CMKLR1: variants seen among roughly 807,000 people sequenced by gnomAD.
CMKLR1 encodes the protein chemerin chemokine-like receptor 1.
CMKLR1 carries 6 observed loss-of-function variants against 8.2 expected under a neutral mutation model. The observed-to-expected ratio is 0.73, with a 90% CI of 0.40 to 1.44. The LOEUF is 1.44. CMKLR1 is among the 40% of genes most tolerant of loss of function. The pLI, the probability that CMKLR1 is intolerant of heterozygous loss-of-function variation, is 0.02. For synonymous variants in CMKLR1, 178 were observed against 181.2 expected (o/e 0.98, Z 0.14); for missense variants, 429 against 478.0 (o/e 0.90, Z 0.96).
chr12:108,316,964 A>G (rs1224134836), intron 2 of CMKLR1, among the ~76,000 whole-genome samples: 1 of 143,362 alleles, frequency 7.0e-6, no homozygotes, highest in Non-Finnish European at 1.6e-5. Flanking sequence ...ACCACACCCC[A>G]CTAATTTTTT....
Position 108,292,028 on chromosome 12 carries a change from T to C in CMKLR1, c.935A>G (p.Asn312Ser), listed in dbSNP as rs1287383967. The stretch of plus-strand genomic sequence containing the variant: ...ACCCATGAAAACATACAGAATGGGG[T>C]TCATGCAGCTGTTGGCAATGGCAAG... ...TALAIANSCMNPILYVFMGQD... is the reference protein window; with the variant it reads ...TALAIANSCMSPILYVFMGQD... The change falls in exon 4 of 4, where the codon AAC becomes AGC. Residue 312 changes from asparagine to serine, a missense_variant. Asn to Ser is a conservative substitution (Grantham distance 46). Coordinates refer to ENST00000550402, the MANE Select transcript of CMKLR1 (RefSeq NM_001142343.2). 6.2e-7 allele frequency: 1 copy of C among 1,613,774 alleles called. No individual in the cohort carries two copies. The highest frequency in any genetic ancestry group is 8.5e-7 in the Non-Finnish European group (1 of 1,179,960).
intron 1 of CMKLR1, among the ~76,000 whole-genome samples, chr12:108,334,780 G>C (rs955924026): frequency 3.9e-5 from 6 of 152,194 alleles, no homozygotes; most frequent in Admixed American, 1.3e-4. Context: ...TTAGCTCTCT[G>C]AGCCTCATTT....
At chr12:108,325,196 G>A (rs1462573977) in intron 2 of CMKLR1, among the ~76,000 whole-genome samples, 2 of 152,136 alleles carry the variant, frequency 1.3e-5, no homozygotes, top group African/African-American at 2.4e-5. Context: ...CACACCCCTC[G>A]GGGAGCCAGA....
Position 108,290,038 on chromosome 12 carries a change from T to C in CMKLR1, c.*1803A>G, listed in dbSNP as rs1211095158. 2 of 152,280 alleles carry C rather than the reference T, an allele frequency of 1.3e-5. No individual in the cohort carries two copies. Among genetic ancestry groups the C allele is most frequent in the African/African-American group, 4.8e-5 (2 of 41,474 alleles). The allele number at this position is 152,280 out of a possible 1,614,324, so 9.4% of individuals were successfully genotyped here. On this transcript the variant is annotated 3_prime_UTR_variant, in exon 4 of 4. Transcript: ENST00000550402. ...TGCCAGCTTTCCCTCCCCATTGCCT[T>C]GATCTCTGGAGACATAGGAGGTGGG...
At chr12:108,297,506 T>C (rs983241900) in intron 2 of CMKLR1, among the ~76,000 whole-genome samples, 1 of 152,198 alleles carries the variant, frequency 6.6e-6, no homozygotes, top group South Asian at 2.1e-4. Flanking sequence ...CCAGTGTACA[T>C]AATATGTACA....
At chr12:108,317,500 T>G (rs989811714) in intron 2 of CMKLR1, among the ~76,000 whole-genome samples, 2 of 152,170 alleles carry the variant, frequency 1.3e-5, no homozygotes, top group African/African-American at 4.8e-5. Flanking sequence ...CACAGGACTC[T>G]CTCAGCTGGT....
chr12:108,303,060 T>C (rs1216215826), intron 2 of CMKLR1, among the ~76,000 whole-genome samples: 1 of 152,040 alleles, frequency 6.6e-6, no homozygotes, highest in African/African-American at 2.4e-5. Context: ...CTCAGAGTCT[T>C]GGTTACTGAA....
At chr12:108,295,256 G>C (rs916793132) in intron 2 of CMKLR1, among the ~76,000 whole-genome samples, 2 of 152,254 alleles carry the variant, frequency 1.3e-5, no homozygotes, top group African/African-American at 4.8e-5. Flanking sequence ...AGGGCTCAGA[G>C]AGATCAGGAC....
At chr12:108,323,090 G>A (rs1891899060) in intron 2 of CMKLR1, among the ~76,000 whole-genome samples, 3 of 152,078 alleles carry the variant, frequency 2.0e-5, no homozygotes, top group Non-Finnish European at 4.4e-5. Flanking sequence ...TCAACTTCAC[G>A]CCTTGGGATT....
chr12:108,304,452 T>C (rs922694245), intron 2 of CMKLR1, among the ~76,000 whole-genome samples: 7 of 152,190 alleles, frequency 4.6e-5, no homozygotes, highest in Admixed American at 3.9e-4. Flanking sequence ...CAATGGGTTC[T>C]TTACATCGCA....
At chr12:108,305,696 C>G (rs934179264) in intron 2 of CMKLR1, among the ~76,000 whole-genome samples, 1 of 152,170 alleles carries the variant, frequency 6.6e-6, no homozygotes, top group African/African-American at 2.4e-5. Context: ...GCTGCCAGCC[C>G]CAGGACAGAA....
chr12:108,320,053 C>T (rs1327369903), intron 2 of CMKLR1, among the ~76,000 whole-genome samples: 1 of 152,076 alleles, frequency 6.6e-6, no homozygotes. Context: ...GGCATAGTAT[C>T]CATTCCAGCT....
chr12:108,298,926 T>C (rs573490891), intron 2 of CMKLR1, among the ~76,000 whole-genome samples: 2 of 152,350 alleles, frequency 1.3e-5, no homozygotes, highest in South Asian at 4.1e-4. Context: ...CAGAAGGGAA[T>C]GCCAGGGAGG....
chr12:108,337,073 A>G (rs1249764369), intron 1 of CMKLR1, among the ~76,000 whole-genome samples: 1 of 152,152 alleles, frequency 6.6e-6, no homozygotes, highest in Non-Finnish European at 1.5e-5. Flanking sequence ...AAATAATATC[A>G]TCCTTATTTA....
chr12:108,330,003 C>T lies in CMKLR1; in HGVS notation c.-82G>A, dbSNP rs980461680. On this transcript the variant is annotated 5_prime_UTR_variant, in exon 2 of 4. Transcript: ENST00000550402. The stretch of plus-strand genomic sequence containing the variant: ...CCTGCCCCAATACTCACATGTCACG[C>T]CTCCCATCAAGAAGTGGACTCTATT... 2.6e-5 allele frequency: 4 copies of T among 152,158 alleles called. No homozygotes were observed. Among genetic ancestry groups the T allele is most frequent in the African/African-American group, 9.7e-5 (4 of 41,434 alleles). The allele number at this position is 152,158 out of a possible 1,614,324, so 9.4% of individuals were successfully genotyped here.
rs1176678938 is a variant in CMKLR1, at chr12:108,289,760, CCAGCTTGGGAT to C, written c.*2070_*2080del. ...AAACTCTTTAAAGCATTCAGAGGCT[CCAGCTTGGGAT>C]CAATTCAGAGCTGCCTTGTCATAAG... On this transcript the variant is annotated 3_prime_UTR_variant, in exon 4 of 4. Transcript: ENST00000550402. 3.3e-5 allele frequency: 5 copies of C among 152,260 alleles called. No homozygotes were observed. The highest frequency in any genetic ancestry group is 1.2e-4 in the African/African-American group (5 of 41,464). The allele number at this position is 152,260 out of a possible 1,614,324, so 9.4% of individuals were successfully genotyped here.
intron 2 of CMKLR1, among the ~76,000 whole-genome samples, chr12:108,303,234 T>C (rs1231396220): frequency 6.6e-6 from 1 of 152,162 alleles, no homozygotes; most frequent in Non-Finnish European, 1.5e-5. Flanking sequence ...CCCTAGTCCT[T>C]CCTCGTCGAG....
At chr12:108,294,957 T>C (rs1891093170) in intron 2 of CMKLR1, among the ~76,000 whole-genome samples, 1 of 152,258 alleles carries the variant, frequency 6.6e-6, no homozygotes, top group Non-Finnish European at 1.5e-5. Flanking sequence ...GAAAATTCCA[T>C]TGAGGGCTTT....
intron 2 of CMKLR1, among the ~76,000 whole-genome samples, chr12:108,317,470 G>A (rs1891762207): frequency 6.6e-6 from 1 of 152,170 alleles, no homozygotes; most frequent in Non-Finnish European, 1.5e-5. Context: ...TGGAGGGAGG[G>A]GTGGGCTCTG....
Sources: gnomAD v4.1 joint callset for allele counts (sites outside exome capture counted in the v4.1 genomes callset) on GRCh38, gnomAD v4.1.1 for gene constraint, MANE v1.5 for transcripts, NCBI Gene and HGNC (gene_info 2026-07-23, HGNC 2026-07-21) for gene names.